The following SUSD6 variants were observed in gnomAD, a reference collection of about 807,000 sequenced individuals.
SUSD6 encodes the protein sushi domain containing 6.
SUSD6 carries 16 observed loss-of-function variants against 28.4 expected under a neutral mutation model. The observed-to-expected ratio is 0.56, with a 90% CI of 0.38 to 0.86. The LOEUF (loss-of-function observed/expected upper bound fraction) is 0.86. Ranked by LOEUF, SUSD6 falls within the 40% of genes least tolerant of loss-of-function variation. The pLI is 0.00. For synonymous variants in SUSD6, 147 were observed against 159.6 expected (o/e 0.92, Z 0.59); for missense variants, 341 against 384.2 (o/e 0.89, Z 0.94).
chr14:69,686,922 T>A (rs1886082298), intron 2 of SUSD6, among the ~76,000 whole-genome samples: 1 of 152,274 alleles, frequency 6.6e-6, no homozygotes, highest in Admixed American at 6.5e-5. Context: ...TGTACTCATT[T>A]ATATGCTAAT....
intron 2 of SUSD6, among the ~76,000 whole-genome samples, chr14:69,699,096 A>C (rs918324364): frequency 6.6e-6 from 1 of 152,084 alleles, no homozygotes; most frequent in African/African-American, 2.4e-5. Flanking sequence ...GCCTTTTTTT[A>C]GTGTTCTTCC....
At chr14:69,682,821 G>A (rs1483686817) in intron 2 of SUSD6, among the ~76,000 whole-genome samples, 1 of 152,118 alleles carries the variant, frequency 6.6e-6, no homozygotes, top group Non-Finnish European at 1.5e-5. Flanking sequence ...ATCATAAGAA[G>A]TTGCCTCCCT....
chr14:69,615,529 C>G (rs1337605473), intron 1 of SUSD6: 2 of 152,002 alleles, frequency 1.3e-5, no homozygotes, highest in Non-Finnish European at 2.9e-5. Context: ...TTTTTTTTGG[C>G]CTGGAAACCA....
At chr14:69,668,595 A>G (rs1391119161) in intron 2 of SUSD6, among the ~76,000 whole-genome samples, 1 of 150,990 alleles carries the variant, frequency 6.6e-6, no homozygotes, top group African/African-American at 2.4e-5. Flanking sequence ...AGATTGCATC[A>G]CTGCACTCCA....
chr14:69,618,936 A>C (rs1884996847), intron 1 of SUSD6, among the ~76,000 whole-genome samples: 1 of 152,180 alleles, frequency 6.6e-6, no homozygotes, highest in Non-Finnish European at 1.5e-5. Context: ...TAGGTTCATG[A>C]AATGTTAGAG....
At chr14:69,671,223 T>C (rs1215712788) in intron 2 of SUSD6, among the ~76,000 whole-genome samples, 1 of 152,166 alleles carries the variant, frequency 6.6e-6, no homozygotes, top group Non-Finnish European at 1.5e-5. Flanking sequence ...CTCTAGCTAA[T>C]GAATCAAGAA....
At chr14:69,646,536 A>G (rs1346879799) in intron 1 of SUSD6, among the ~76,000 whole-genome samples, 2 of 152,106 alleles carry the variant, frequency 1.3e-5, no homozygotes, top group African/African-American at 4.8e-5. Flanking sequence ...TCTACCAGTT[A>G]TCCCTCAGGT....
intron 2 of SUSD6, among the ~76,000 whole-genome samples, chr14:69,669,066 T>C (rs1345278140): frequency 3.8e-5 from 5 of 131,246 alleles, no homozygotes; most frequent in South Asian, 4.7e-4. Flanking sequence ...TCTTTTCTTT[T>C]TTTTTTTTTT....
At chr14:69,678,707 G>A (rs1171783701) in intron 2 of SUSD6, among the ~76,000 whole-genome samples, 2 of 152,188 alleles carry the variant, frequency 1.3e-5, no homozygotes, top group Admixed American at 6.5e-5. Context: ...GGAGGGTGAG[G>A]TGAGAGGGTC....
chr14:69,696,136 C>G (rs895402736), intron 2 of SUSD6, among the ~76,000 whole-genome samples: 1 of 152,248 alleles, frequency 6.6e-6, no homozygotes, highest in African/African-American at 2.4e-5. Flanking sequence ...GCCCTGCCCC[C>G]CTCAGCAGGC....
chr14:69,658,452 G>A, intron 1 of SUSD6, 61 bp from the exon 2 acceptor site: 2 of 788,130 alleles, frequency 2.5e-6, no homozygotes, highest in South Asian at 1.9e-5. Context: ...TACCAAAGTG[G>A]CTGCTTTTAA....
At chr14:69,635,595 C>CCA (rs3048696) in intron 1 of SUSD6, among the ~76,000 whole-genome samples, 15,362 of 143,280 alleles carry the variant, frequency 0.11, 880 homozygotes, top group East Asian at 0.19. Context: ...CCAAGGCACA[C>CCA]CACACACACA....
intron 2 of SUSD6, among the ~76,000 whole-genome samples, chr14:69,665,931 A>G (rs578158185): frequency 2.0e-5 from 3 of 152,356 alleles, no homozygotes; most frequent in African/African-American, 7.2e-5. Context: ...TGAGGATCAA[A>G]TAAGATAGTA....
rs1886342484 is a variant in SUSD6, at chr14:69,703,549, C to T, written c.276C>T (p.Gly92=). Reference sequence around the variant, plus strand: ...ACAAATACCTGACGTGTAAGAATGGCGAGTGGAAACCAGCCATGGAGATTA... The same window carrying T: ...ACAAATACCTGACGTGTAAGAATGGTGAGTGGAAACCAGCCATGGAGATTA... The part of the protein sequence containing the change: ...GDYKYLTCKN[G]EWKPAMEISC... Residue 92 remains glycine, a synonymous_variant, in exon 3 of 6, where the codon GGC becomes GGT. Transcript: ENST00000342745. The T allele has an allele frequency of 1.9e-6, 3 of 1,613,982 alleles. No homozygotes were observed. The highest frequency in any genetic ancestry group is 2.5e-6 in the Non-Finnish European group (3 of 1,180,016).
intron 2 of SUSD6, among the ~76,000 whole-genome samples, chr14:69,698,184 C>T (rs1385684363): frequency 6.6e-5 from 10 of 152,216 alleles, no homozygotes; most frequent in African/African-American, 1.9e-4. Context: ...AAAAGTTAGC[C>T]GGGTGTGGTG....
At chr14:69,686,870 C>T (rs776832973) in intron 2 of SUSD6, among the ~76,000 whole-genome samples, 1 of 152,192 alleles carries the variant, frequency 6.6e-6, no homozygotes, top group Non-Finnish European at 1.5e-5. Context: ...ATATCATTGA[C>T]CTAGTCTCTT....
At position 69,637,442 on chromosome 14, in the gene SUSD6, A is replaced by G. The variant is rs142115184; in HGVS notation, c.-80-21071A>G. Among the ~76,000 whole-genome samples, 684 of 152,282 alleles carry G rather than the reference A, an allele frequency of 4.5e-3. 5 individuals are homozygous for G. The highest frequency in any genetic ancestry group is 0.016 in the African/African-American group (654 of 41,562). The stretch of plus-strand genomic sequence containing the variant: ...TATATACACAGCAAATGTTGAAGGA[A>G]TGAATGTCCCCCCCTAACCAGGGTC... On this transcript the variant is annotated intron_variant, in intron 1 of 5. Transcript: ENST00000342745.
In SUSD6 at chr14:69,713,155, G is replaced by A. The variant is rs1886492548; in HGVS notation, c.*2176G>A. The A allele has an allele frequency of 6.6e-6, 1 of 152,164 alleles. No homozygotes were observed. The highest frequency in any genetic ancestry group is 1.5e-5 in the Non-Finnish European group (1 of 68,024). The allele number at this position is 152,164 out of a possible 1,614,324, so 9.4% of individuals were successfully genotyped here. A position where few individuals can be genotyped will look rare whatever the true frequency, so the allele number is the denominator to read the frequency against. On this transcript the variant is annotated 3_prime_UTR_variant, in exon 6 of 6. Transcript: ENST00000342745. ...CCTTTTTCTATCTTGTTACTCTGGG[G>A]TTTTGTCCCCCTAAGAGATTGCACT... is the stretch of plus-strand genomic sequence containing the variant.
intron 2 of SUSD6, among the ~76,000 whole-genome samples, chr14:69,659,926 A>G (rs911702905): frequency 1.3e-5 from 2 of 152,176 alleles, no homozygotes; most frequent in Admixed American, 6.5e-5. Context: ...CTTAAAGGAC[A>G]TGTTTGGGTG....
Sources: allele counts gnomAD v4.1 joint callset (sites outside exome capture counted in the v4.1 genomes callset), GRCh38; gene constraint gnomAD v4.1.1; transcripts MANE v1.5; gene names NCBI Gene and HGNC (gene_info 2026-07-23, HGNC 2026-07-21).